Variants in FAM13C observed in about 807,000 individuals in gnomAD.
FAM13C encodes the protein protein FAM13C.
FAM13C carries 37 observed loss-of-function variants against 73.2 expected under a neutral mutation model. The ratio of observed to expected loss-of-function variants is 0.51; its 90% CI spans 0.39 to 0.67. The LOEUF (loss-of-function observed/expected upper bound fraction) is 0.67, where lower values mean the gene tolerates loss of function less well. Ranked by LOEUF, FAM13C falls within the 30% of genes least tolerant of loss-of-function variation. The probability of loss-of-function intolerance (pLI) is 0.00; values close to 1 mark genes in which losing one functional copy is unlikely to be tolerated. For synonymous variants in FAM13C, 246 were observed against 260.9 expected, an observed-to-expected ratio of 0.94 and a Z score of 0.55; for missense variants, 589 against 715.6, an observed-to-expected ratio of 0.82 and a Z score of 2.02.
intron 8 of FAM13C, among the ~76,000 whole-genome samples, chr10:59,266,086 G>C (rs1281334124): frequency 6.6e-6 from 1 of 152,174 alleles, no homozygotes; most frequent in Non-Finnish European, 1.5e-5. Context: ...CTCAGTTGCT[G>C]TTCTGGCTAG....
intron 6 of FAM13C, among the ~76,000 whole-genome samples, chr10:59,273,905 C>A (rs1161015901): frequency 6.6e-6 from 1 of 152,160 alleles, no homozygotes; most frequent in Non-Finnish European, 1.5e-5. Context: ...TAAAGCTATT[C>A]CAAACCTAAG....
In FAM13C at chr10:59,355,930, G is replaced by C. The variant is rs928537901; in HGVS notation, c.76C>G (p.Pro26Ala). The change falls in exon 2 of 14, where the codon CCA becomes GCA. Residue 26 changes from proline to alanine, a missense_variant. Physicochemically the swap from Pro to Ala is conservative, Grantham distance 27. Transcript: ENST00000618804. ...GTCTGGTCTTCATGTAGAGAGACTGGATCTTCGTCACACCTGGAAGAGTGG... is the reference window on the plus strand; with the variant it reads ...GTCTGGTCTTCATGTAGAGAGACTGCATCTTCGTCACACCTGGAAGAGTGG... ...STTVTECDEDPVSLHEDQTDC... is the reference protein window; with the variant it reads ...STTVTECDEDAVSLHEDQTDC... The C allele has an allele frequency of 6.2e-6, 10 of 1,613,956 alleles. No homozygotes were observed. The highest frequency in any genetic ancestry group is 8.5e-6 in the Non-Finnish European group (10 of 1,179,870).
At chr10:59,357,065 T>C (rs1855804341) in intron 1 of FAM13C, among the ~76,000 whole-genome samples, 1 of 152,172 alleles carries the variant, frequency 6.6e-6, no homozygotes. Flanking sequence ...GGCTGCACTG[T>C]TGGCTTCCCT....
At chr10:59,322,727 G>T (rs1406916317) in intron 4 of FAM13C, among the ~76,000 whole-genome samples, 1 of 152,144 alleles carries the variant, frequency 6.6e-6, no homozygotes, top group Non-Finnish European at 1.5e-5. Flanking sequence ...GGGAATAATA[G>T]TTGACTTTCT....
At chr10:59,335,357 T>C (rs1852583793) in intron 3 of FAM13C, among the ~76,000 whole-genome samples, 1 of 152,168 alleles carries the variant, frequency 6.6e-6, no homozygotes, top group South Asian at 2.1e-4. Flanking sequence ...GAGACCCAAA[T>C]ATTAATTTTA....
intron 6 of FAM13C, among the ~76,000 whole-genome samples, chr10:59,274,427 T>A (rs941684893): frequency 3.9e-5 from 6 of 152,014 alleles, no homozygotes; most frequent in Non-Finnish European, 5.9e-5. Flanking sequence ...TGAGGGCAGA[T>A]GAAAAGGGAC....
chr10:59,301,188 A>G (rs1847557222), intron 5 of FAM13C: 2 of 152,156 alleles, frequency 1.3e-5, no homozygotes, highest in South Asian at 4.1e-4. Flanking sequence ...TGGTCTCCCA[A>G]ATTTTGGCCA....
At position 59,271,546 on chromosome 10, in the gene FAM13C, C is replaced by T. The variant is rs1254750702; in HGVS notation, c.593-1437G>A. 2.0e-5 allele frequency among the ~76,000 whole-genome samples: 3 copies of T among 152,136 alleles called. No individual in the cohort carries two copies. In the East Asian group the frequency reaches 5.8e-4, roughly 29 times the overall value. ...TGGAGGGAGGCAAATGGCAGTGCCT[C>T]CAGCCCAAGACAAGGTGTAATGGTG... On this transcript the variant is annotated intron_variant, in intron 6 of 13. Coordinates refer to ENST00000618804, the MANE Select transcript of FAM13C (RefSeq NM_198215.4).
At chr10:59,330,970 C>A (rs1293525336) in intron 3 of FAM13C, among the ~76,000 whole-genome samples, 1 of 152,176 alleles carries the variant, frequency 6.6e-6, no homozygotes, top group Non-Finnish European at 1.5e-5. Context: ...ACCACTGTAA[C>A]TCCTAGGATT....
At chr10:59,326,222 C>A (rs1461328236) in intron 3 of FAM13C, among the ~76,000 whole-genome samples, 2 of 152,036 alleles carry the variant, frequency 1.3e-5, no homozygotes, top group African/African-American at 4.8e-5. Context: ...CAAAGGACTG[C>A]AAGAGAAGAA....
chr10:59,322,925 T>C (rs946479559), intron 4 of FAM13C, among the ~76,000 whole-genome samples: 4 of 152,158 alleles, frequency 2.6e-5, no homozygotes, highest in Admixed American at 6.5e-5. Flanking sequence ...ATAAAAGAAG[T>C]CAGCTTGTGA....
At chr10:59,298,530 A>G (rs1847185497) in intron 5 of FAM13C, among the ~76,000 whole-genome samples, 1 of 152,178 alleles carries the variant, frequency 6.6e-6, no homozygotes, top group African/African-American at 2.4e-5. Context: ...GAGTATAATA[A>G]AGAAGAAAAG....
At chr10:59,277,510 G>A (rs1351294611) in intron 6 of FAM13C, among the ~76,000 whole-genome samples, 1 of 152,054 alleles carries the variant, frequency 6.6e-6, no homozygotes, top group East Asian at 1.9e-4. Context: ...TAAAATTGTA[G>A]TATTTGACTC....
At chr10:59,284,261 G>A (rs1005890463) in intron 5 of FAM13C, among the ~76,000 whole-genome samples, 2 of 151,970 alleles carry the variant, frequency 1.3e-5, no homozygotes, top group Non-Finnish European at 2.9e-5. Flanking sequence ...ACAGATTGAC[G>A]CATGCATCCT....
At chr10:59,303,076 A>G (rs1847790534) in intron 4 of FAM13C, among the ~76,000 whole-genome samples, 1 of 151,080 alleles carries the variant, frequency 6.6e-6, no homozygotes, top group Non-Finnish European at 1.5e-5. Context: ...CTCTCCTACC[A>G]CTCTCACCCT....
rs894240443 is a variant in FAM13C, at chr10:59,269,949, G to A, written c.753C>T (p.Asn251=). ...GAGATGGGGCTGACTCGGGGTCTAA[G>A]TTGAATCTCTGGCTTTGGCTGAAGA... ...CSIFSQSQRF[N]LDPESAPSPP... The change falls in exon 7 of 14, where the codon AAC becomes AAT. Residue 251 remains asparagine, a synonymous_variant. Coordinates refer to ENST00000618804, the MANE Select transcript of FAM13C (RefSeq NM_198215.4). 2.4e-5 allele frequency: 38 copies of A among 1,613,890 alleles called. 2 individuals carry two copies.
chr10:59,362,512 A>T lies in FAM13C; in HGVS notation c.-52T>A, dbSNP rs1470921506. The T allele has an allele frequency of 6.3e-7, 1 of 1,599,896 alleles. No individual in the cohort carries two copies. Among genetic ancestry groups the T allele is most frequent in the Non-Finnish European group, 8.5e-7 (1 of 1,172,406 alleles). On this transcript the variant is annotated 5_prime_UTR_variant, in exon 1 of 14. Coordinates refer to ENST00000618804, the MANE Select transcript of FAM13C (RefSeq NM_198215.4). ...TCCCTGATTGCTCTCCGGGAGTTAG[A>T]GCACATACACAAACATGGCATTGCA...
At chr10:59,308,139 C>T (rs1215624340) in intron 4 of FAM13C, among the ~76,000 whole-genome samples, 1 of 152,142 alleles carries the variant, frequency 6.6e-6, no homozygotes, top group Non-Finnish European at 1.5e-5. Context: ...CAAATGCATG[C>T]TTTTAAAGGG....
intron 5 of FAM13C, chr10:59,301,095 A>G (rs149826805): frequency 5.4e-4 from 83 of 152,374 alleles, no homozygotes; most frequent in African/African-American, 2.0e-3. Flanking sequence ...ATTTCAATCC[A>G]TGAGTGTGAA....
Sources: allele counts gnomAD v4.1 joint callset (sites outside exome capture counted in the v4.1 genomes callset), GRCh38; gene constraint gnomAD v4.1.1; transcripts MANE v1.5; gene names NCBI Gene and HGNC (gene_info 2026-07-23, HGNC 2026-07-21).